Variants in SORCS3 observed in about 807,000 individuals in gnomAD.
SORCS3 encodes the protein sortilin related VPS10 domain containing receptor 3.
A neutral mutation model predicts 146.3 loss-of-function variants in SORCS3; 57 were observed. The ratio of observed to expected loss-of-function variants is 0.39; its 90% CI spans 0.31 to 0.49. SORCS3 has a LOEUF of 0.49. SORCS3 is among the 20% of genes least tolerant of loss of function. The pLI is 0.92. For missense variants in SORCS3, 1,341 were observed against 1,575.5 expected, an observed-to-expected ratio of 0.85 and a Z score of 2.52; for synonymous variants, 653 against 618.5, an observed-to-expected ratio of 1.06 and a Z score of -0.83.
chr10:105,016,155 A>ATTTTTTTT lies in SORCS3; in HGVS notation c.955-26892_955-26885dup, dbSNP rs10625699. Among the ~76,000 whole-genome samples, 115 of 101,318 alleles carry ATTTTTTTT rather than the reference A, an allele frequency of 1.1e-3. 2 individuals are homozygous for ATTTTTTTT. Among genetic ancestry groups the ATTTTTTTT allele is most frequent in the African/African-American group, 5.2e-3 (107 of 20,670 alleles). 66.5% of individuals were successfully genotyped at this position (101,318 alleles called of 152,430 possible). A position where few individuals can be genotyped will look rare whatever the true frequency, so the allele number is the denominator to read the frequency against. ...TATAAATATATATATATATATATAT[A>ATTTTTTTT]TTTTTTTTTTTTTTTGAGATGGAGT... On this transcript the variant is annotated intron_variant, in intron 4 of 26. Transcript: ENST00000369701.
Position 104,931,398 on chromosome 10 carries a change from C to T in SORCS3, c.795+15466C>T, listed in dbSNP as rs549646761. On this transcript the variant is annotated intron_variant, in intron 3 of 26. Coordinates refer to ENST00000369701, the MANE Select transcript of SORCS3 (RefSeq NM_014978.3). ...CAGTAAACCTAGGATTTCCAGGGCA[C>T]TGGCAGCAGAAACGGCCAGGTCAGG... Among the ~76,000 whole-genome samples, 446 of 152,284 alleles carry T rather than the reference C, an allele frequency of 2.9e-3. 2 individuals carry two copies. The highest frequency in any genetic ancestry group is 0.019 in the South Asian group (90 of 4,816).
intron 1 of SORCS3, among the ~76,000 whole-genome samples, chr10:104,715,528 C>G (rs539214559): frequency 4.6e-5 from 7 of 152,270 alleles, no homozygotes; most frequent in African/African-American, 1.7e-4. Flanking sequence ...TGAGCCAATT[C>G]TCATAATAAA....
chr10:104,686,696 C>T (rs572527986), intron 1 of SORCS3, among the ~76,000 whole-genome samples: 1 of 151,878 alleles, frequency 6.6e-6, no homozygotes. Flanking sequence ...TCCCTCTTCC[C>T]TCCTTGTCAT....
intron 1 of SORCS3, among the ~76,000 whole-genome samples, chr10:104,732,228 A>G (rs2016714237): frequency 6.6e-6 from 1 of 152,206 alleles, no homozygotes; most frequent in African/African-American, 2.4e-5. Context: ...AAAGTAAGCA[A>G]GAAAGGGCTT....
At chr10:105,112,924 G>A (rs753715551) in intron 7 of SORCS3, among the ~76,000 whole-genome samples, 1 of 152,096 alleles carries the variant, frequency 6.6e-6, no homozygotes, top group Non-Finnish European at 1.5e-5. Flanking sequence ...TTTGGTTTTA[G>A]TGCTAACAGA....
Position 104,970,327 on chromosome 10 carries a change from G to T in SORCS3, c.796-7008G>T, listed in dbSNP as rs191808072. Among the ~76,000 whole-genome samples, 1,453 of 152,006 alleles carry T rather than the reference G, an allele frequency of 9.6e-3. 11 individuals carry two copies. Among genetic ancestry groups the T allele is most frequent in the Middle Eastern group, 0.051 (15 of 294 alleles). On this transcript the variant is annotated intron_variant, in intron 3 of 26. Transcript: ENST00000369701. ...ACGCCCAGCTAATTTTTGTATTTTT[G>T]GTAGAGATGGGGTTTCACAATGTTG...
In SORCS3 at chr10:105,262,446, G is replaced by A; in HGVS notation, c.3559G>A (p.Glu1187Lys). 1 of 1,613,942 alleles carries A rather than the reference G, an allele frequency of 6.2e-7. No individual in the cohort carries two copies. Among genetic ancestry groups the A allele is most frequent in the South Asian group, 1.1e-5 (1 of 91,082 alleles). ...APKITLSDFT[E>K]PEELLDKELD... ...CAAAATCACACTCAGTGACTTTACG[G>A]AGCCTGAGGAGCTGCTGGACAAAGA... The change falls in exon 26 of 27, where the codon GAG (glutamate) becomes AAG (lysine). Residue 1187 changes from glutamate to lysine, a missense_variant. Physicochemically the swap from Glu to Lys is moderately conservative, Grantham distance 56 (BLOSUM62 1). Transcript: ENST00000369701.
At chr10:104,850,824 G>T (rs969785724) in intron 2 of SORCS3, among the ~76,000 whole-genome samples, 7 of 152,178 alleles carry the variant, frequency 4.6e-5, no homozygotes, top group Admixed American at 2.6e-4. Context: ...GCACACACAG[G>T]ATTTATGATA....
chr10:104,663,109 C>G (rs973959982), intron 1 of SORCS3, among the ~76,000 whole-genome samples: 3 of 152,176 alleles, frequency 2.0e-5, no homozygotes, highest in African/African-American at 7.2e-5. Context: ...CTGCCTGTTC[C>G]CTTCCCACCT....
chr10:104,915,254 A>G (rs948681824), intron 2 of SORCS3, among the ~76,000 whole-genome samples: 4 of 152,106 alleles, frequency 2.6e-5, no homozygotes, highest in African/African-American at 7.2e-5. Flanking sequence ...ACACACCCAC[A>G]TCGTTGTCCC....
chr10:105,249,018 C>G (rs540531577), intron 22 of SORCS3, among the ~76,000 whole-genome samples: 1 of 152,104 alleles, frequency 6.6e-6, no homozygotes, highest in South Asian at 2.1e-4. Context: ...AGCTAAAAGA[C>G]CACTGCAGTT....
intron 4 of SORCS3, among the ~76,000 whole-genome samples, chr10:105,025,278 A>C (rs1000565369): frequency 6.6e-6 from 1 of 152,150 alleles, no homozygotes; most frequent in African/African-American, 2.4e-5. Flanking sequence ...CAACAAGCAC[A>C]TCTGGAGGCA....
At chr10:105,167,437 A>C in intron 13 of SORCS3, 88 bp downstream of exon 13, 1 of 884,284 alleles carries the variant, frequency 1.1e-6, no homozygotes, top group Non-Finnish European at 1.8e-6. Flanking sequence ...ATGGTTTTGT[A>C]CCCATTTGTA....
At chr10:104,940,234 ATATATTTTT>A (rs1307702421) in intron 3 of SORCS3, among the ~76,000 whole-genome samples, 398 of 24,174 alleles carry the variant, frequency 0.016, 2 homozygotes, top group African/African-American at 0.054. Context: ...ATATATATAT[ATATATTTTT>A]TTTTTTTTTT....
At position 105,047,691 on chromosome 10, in the gene SORCS3, G is replaced by C. The variant is rs535165107; in HGVS notation, c.1028+4563G>C. Among the ~76,000 whole-genome samples the C allele has an allele frequency of 8.5e-5, 13 of 152,168 alleles. No homozygotes were observed. The South Asian group carries it at 2.5e-3, about 29-fold the overall frequency. On this transcript the variant is annotated intron_variant, in intron 5 of 26. Transcript: ENST00000369701. Reference sequence around the variant, plus strand: ...GTATCTGCTATGATGCCTGGTTTAGGATGAAAAGTGGCTGGTGTGTAAAGG... The same window carrying C: ...GTATCTGCTATGATGCCTGGTTTAGCATGAAAAGTGGCTGGTGTGTAAAGG...
intron 2 of SORCS3, among the ~76,000 whole-genome samples, chr10:104,882,769 C>T (rs1297452114): frequency 6.6e-6 from 1 of 152,180 alleles, no homozygotes; most frequent in Non-Finnish European, 1.5e-5. Context: ...CACCCAGTGC[C>T]ACTCCTGGCC....
intron 3 of SORCS3, among the ~76,000 whole-genome samples, chr10:104,962,209 G>A (rs942040800): frequency 4.6e-5 from 7 of 152,076 alleles, no homozygotes; most frequent in Non-Finnish European, 1.0e-4. Flanking sequence ...GGGCTTTCTA[G>A]GTAGGGGAGT....
At chr10:104,933,336 A>G (rs532732632) in intron 3 of SORCS3, among the ~76,000 whole-genome samples, 1 of 150,960 alleles carries the variant, frequency 6.6e-6, no homozygotes, top group South Asian at 2.1e-4. Context: ...GGATGACAAG[A>G]TGGTTACAGA....
At chr10:105,241,540 T>G (rs2056823441) in intron 20 of SORCS3, among the ~76,000 whole-genome samples, 1 of 152,180 alleles carries the variant, frequency 6.6e-6, no homozygotes, top group African/African-American at 2.4e-5. Flanking sequence ...TGTGACAGTC[T>G]TTCTGGGTAC....
Sources: allele counts gnomAD v4.1 joint callset (sites outside exome capture counted in the v4.1 genomes callset), GRCh38; gene constraint gnomAD v4.1.1; transcripts MANE v1.5; gene names NCBI Gene and HGNC (gene_info 2026-07-23, HGNC 2026-07-21).